Variants in MED27 observed in about 807,000 individuals in gnomAD.
MED27 encodes mediator complex subunit 27.
A neutral mutation model predicts 38.2 loss-of-function variants in MED27; 30 were observed. The ratio of observed to expected loss-of-function variants is 0.79; its 90% CI spans 0.59 to 1.07. The LOEUF (loss-of-function observed/expected upper bound fraction) is 1.07. MED27 is among the 50% of genes least tolerant of loss of function. The probability of loss-of-function intolerance (pLI) is 0.00; values close to 1 mark genes in which losing one functional copy is unlikely to be tolerated. For missense variants in MED27, 289 were observed against 397.5 expected (o/e 0.73, Z 2.32); for synonymous variants, 122 against 153.5 (o/e 0.79, Z 1.52).
chr9:131,889,255 T>C lies in MED27; in HGVS notation c.681+4630A>G, dbSNP rs1839189714. The stretch of plus-strand genomic sequence containing the variant: ...CTCTGGCTGTCTTTGAAGGTTTCCT[T>C]TGATACCACCATTTCTTTTCCTCTC... On this transcript the variant is annotated intron_variant, in intron 5 of 7. Coordinates refer to ENST00000292035, the MANE Select transcript of MED27 (RefSeq NM_004269.4). The surrounding 1 kb of genome is among the most constrained non-coding windows in gnomAD (Gnocchi z 4.2). Among the ~76,000 whole-genome samples the C allele has an allele frequency of 6.6e-6, 1 of 152,222 alleles. No individual in the cohort carries two copies. Among genetic ancestry groups the C allele is most frequent in the Non-Finnish European group, 1.5e-5 (1 of 68,030 alleles).
chr9:131,975,812 G>A (rs980288008), intron 3 of MED27, among the ~76,000 whole-genome samples: 1 of 152,198 alleles, frequency 6.6e-6, no homozygotes, highest in African/African-American at 2.4e-5. Flanking sequence ...AGTAAAAAAG[G>A]ATGTGGGGTT....
intron 2 of MED27, among the ~76,000 whole-genome samples, chr9:132,026,405 C>T (rs1489681334): frequency 6.6e-6 from 1 of 152,204 alleles, no homozygotes; most frequent in Admixed American, 6.5e-5. Context: ...TCAAGCCAGA[C>T]CAGAAGCCTT....
chr9:131,875,758 C>T (rs1377165229), intron 6 of MED27, among the ~76,000 whole-genome samples: 5 of 152,230 alleles, frequency 3.3e-5, no homozygotes, highest in African/African-American at 1.2e-4. Context: ...GGACCACAGG[C>T]ACATGCCACC....
At chr9:132,076,736 C>G (rs145517973) in intron 2 of MED27, among the ~76,000 whole-genome samples, 1 of 152,174 alleles carries the variant, frequency 6.6e-6, no homozygotes, top group South Asian at 2.1e-4. Flanking sequence ...CACACATGTA[C>G]GCCACACCAC....
At chr9:132,067,682 C>T (rs1833838769) in intron 2 of MED27, among the ~76,000 whole-genome samples, 1 of 152,148 alleles carries the variant, frequency 6.6e-6, no homozygotes, top group South Asian at 2.1e-4. Flanking sequence ...AGCAAGCAAG[C>T]ATGCAACAAA....
At chr9:131,985,902 G>A (rs925873948) in intron 3 of MED27, among the ~76,000 whole-genome samples, 1 of 151,844 alleles carries the variant, frequency 6.6e-6, no homozygotes, top group African/African-American at 2.4e-5. Flanking sequence ...CTGACCCTGT[G>A]TAGGCCTAGG....
intron 2 of MED27, among the ~76,000 whole-genome samples, chr9:132,023,272 T>C (rs1832755195): frequency 6.6e-6 from 1 of 152,196 alleles, no homozygotes; most frequent in Non-Finnish European, 1.5e-5. Flanking sequence ...ACTGGACATT[T>C]CTATGTCTCA....
At chr9:131,980,538 G>T (rs977516838) in intron 3 of MED27, among the ~76,000 whole-genome samples, 2 of 152,108 alleles carry the variant, frequency 1.3e-5, no homozygotes, top group Non-Finnish European at 2.9e-5. Context: ...AGGGCAAAAA[G>T]GTAAGGGGTA....
At chr9:131,938,860 C>CCCA (rs1197104984) in intron 4 of MED27, among the ~76,000 whole-genome samples, 1 of 151,948 alleles carries the variant, frequency 6.6e-6, no homozygotes, top group Non-Finnish European at 1.5e-5. Flanking sequence ...ACTACAGGCA[C>CCCA]CCACCACCAC....
At chr9:131,918,061 T>C (rs1177269773) in intron 4 of MED27, among the ~76,000 whole-genome samples, 1 of 152,202 alleles carries the variant, frequency 6.6e-6, no homozygotes, top group African/African-American at 2.4e-5. Context: ...GGAGGTGGAA[T>C]TGCCTTCTCC....
At chr9:132,002,584 T>C (rs1181440108) in intron 3 of MED27, among the ~76,000 whole-genome samples, 1 of 152,110 alleles carries the variant, frequency 6.6e-6, no homozygotes, top group Non-Finnish European at 1.5e-5. Flanking sequence ...GAAATCTATA[T>C]GGCACAGAGA....
intron 4 of MED27, among the ~76,000 whole-genome samples, chr9:131,935,118 A>C (rs962366823): frequency 1.2e-4 from 19 of 152,234 alleles, no homozygotes; most frequent in Admixed American, 5.2e-4. Context: ...TAATAGGTAC[A>C]AAAAGTAGTT....
chr9:131,886,601 G>A (rs1490427460), intron 5 of MED27, among the ~76,000 whole-genome samples: 2 of 152,194 alleles, frequency 1.3e-5, no homozygotes, highest in Non-Finnish European at 2.9e-5. Flanking sequence ...ATCTTCCAGT[G>A]CTGGAATTAT....
At chr9:132,066,021 C>T (rs1833802037) in intron 2 of MED27, among the ~76,000 whole-genome samples, 1 of 152,208 alleles carries the variant, frequency 6.6e-6, no homozygotes, top group South Asian at 2.1e-4. Flanking sequence ...AAAGGAAGTA[C>T]AGTCCCTGGA....
intron 3 of MED27, among the ~76,000 whole-genome samples, chr9:131,957,961 G>C (rs1465833493): frequency 1.3e-5 from 2 of 151,808 alleles, no homozygotes; most frequent in Non-Finnish European, 2.9e-5. Flanking sequence ...GAGGAGACCA[G>C]AGTCTGCCTG....
chr9:131,875,574 T>C (rs1014440124), intron 6 of MED27, among the ~76,000 whole-genome samples: 1 of 152,184 alleles, frequency 6.6e-6, no homozygotes, highest in Non-Finnish European at 1.5e-5. Context: ...AGTGTCACCA[T>C]TGACAGGCAC....
chr9:131,964,310 GCT>G (rs1269089993), intron 3 of MED27, among the ~76,000 whole-genome samples: 1 of 149,060 alleles, frequency 6.7e-6, no homozygotes, highest in African/African-American at 2.5e-5. Context: ...TTGTGGTGGT[GCT>G]GGTGCTGGTG....
At chr9:131,874,190 T>C (rs1838887154) in intron 6 of MED27, among the ~76,000 whole-genome samples, 1 of 152,238 alleles carries the variant, frequency 6.6e-6, no homozygotes, top group Non-Finnish European at 1.5e-5. Context: ...TGTGCTCAAG[T>C]GGCCCCTCTG....
At chr9:132,005,329 A>G (rs914122616) in intron 3 of MED27, among the ~76,000 whole-genome samples, 2 of 152,238 alleles carry the variant, frequency 1.3e-5, no homozygotes, top group Non-Finnish European at 2.9e-5. Context: ...AAGGAGAAAG[A>G]AACAGTGCTT....
Sources: gnomAD v4.1 joint callset for allele counts (sites outside exome capture counted in the v4.1 genomes callset) on GRCh38, gnomAD v4.1.1 for gene constraint, Gnocchi (gnomAD v3.1) non-coding constraint, MANE v1.5 for transcripts, NCBI Gene and HGNC (gene_info 2026-07-23, HGNC 2026-07-21) for gene names.